HHLA2: variants seen among roughly 807,000 people sequenced by gnomAD.
HHLA2 encodes HHLA2 member of B7 family.
In HHLA2, 48 loss-of-function variants were observed where a neutral mutation model predicts 45.9. That is an observed-to-expected ratio of 1.05 (90% confidence interval 0.83 to 1.33). HHLA2 has a LOEUF of 1.33. Ranked by LOEUF, HHLA2 falls within the 40% of genes most tolerant of loss-of-function variation. The pLI, the probability that HHLA2 is intolerant of heterozygous loss-of-function variation, is 0.00. For missense variants in HHLA2, 462 were observed against 494.3 expected, an observed-to-expected ratio of 0.93 and a Z score of 0.62; for synonymous variants, 161 against 173.9, an observed-to-expected ratio of 0.93 and a Z score of 0.59.
intron 2 of HHLA2, among the ~76,000 whole-genome samples, chr3:108,321,226 AC>A (rs1395769241): frequency 1.3e-5 from 2 of 151,556 alleles, no homozygotes; most frequent in African/African-American, 4.9e-5. Context: ...ATGTCTGTTC[AC>A]CATCCTCCTA....
At chr3:108,370,849 G>C (rs1159403822) in intron 8 of HHLA2, among the ~76,000 whole-genome samples, 1 of 152,208 alleles carries the variant, frequency 6.6e-6, no homozygotes, top group Non-Finnish European at 1.5e-5. Context: ...ATCTACGTCT[G>C]ATTGGTGTAC....
chr3:108,377,311 T>C (rs2082292425), exon 11 of HHLA2: 2 of 1,544,600 alleles, frequency 1.3e-6, no homozygotes, highest in African/African-American at 2.7e-5. Context: ...ACTCATGACC[T>C]GCATCCTTAA....
intron 2 of HHLA2, among the ~76,000 whole-genome samples, chr3:108,312,772 T>C (rs1234831260): frequency 6.6e-6 from 1 of 152,196 alleles, no homozygotes; most frequent in Non-Finnish European, 1.5e-5. Flanking sequence ...TCCTGAAAGC[T>C]CACCCTCAGT....
intron 1 of HHLA2, among the ~76,000 whole-genome samples, chr3:108,309,031 A>AT (rs776601484): frequency 6.6e-6 from 1 of 151,872 alleles, no homozygotes; most frequent in Non-Finnish European, 1.5e-5. Flanking sequence ...CCATTTGTCC[A>AT]TTTTTGCTTT....
chr3:108,344,742 T>C (rs1576147369), intron 3 of HHLA2, among the ~76,000 whole-genome samples: 1 of 152,314 alleles, frequency 6.6e-6, no homozygotes, highest in South Asian at 2.1e-4. Context: ...TTCGACAAAA[T>C]GCCTGCTGTC....
rs113163306 is a variant in HHLA2, at chr3:108,363,847, C to G, written c.1108+1401C>G. On this transcript the variant is annotated intron_variant, in intron 8 of 10. Coordinates refer to ENST00000619531, the Ensembl canonical transcript of HHLA2. ...TAAAGAACTTATGAGACAGTATATT[C>G]ATGGCTGGGAGCACCCGAATCACTA... 1.7e-3 allele frequency among the ~76,000 whole-genome samples: 266 copies of G among 152,304 alleles called. 1 individual carries two copies. The highest frequency in any genetic ancestry group is 5.9e-3 in the African/African-American group (244 of 41,570).
chr3:108,351,241 A>G (rs1368580651), intron 3 of HHLA2, among the ~76,000 whole-genome samples: 1 of 152,194 alleles, frequency 6.6e-6, no homozygotes, highest in Non-Finnish European at 1.5e-5. Flanking sequence ...TGGATATGTA[A>G]AAATATATTT....
At chr3:108,375,038 T>G (rs1356118127) in intron 8 of HHLA2, among the ~76,000 whole-genome samples, 4 of 149,958 alleles carry the variant, frequency 2.7e-5, no homozygotes, top group Admixed American at 6.7e-5. Flanking sequence ...CACGTATGTT[T>G]ATTGCGGCAC....
exon 10 of HHLA2, chr3:108,376,501 T>C: frequency 6.2e-7 from 1 of 1,604,036 alleles, no homozygotes; most frequent in Non-Finnish European, 8.5e-7. Context: ...AGAAAGATGT[T>C]GTGTCCCTCC....
chr3:108,365,375 T>G (rs896273731), intron 8 of HHLA2, among the ~76,000 whole-genome samples: 6 of 152,212 alleles, frequency 3.9e-5, no homozygotes, highest in African/African-American at 1.4e-4. Flanking sequence ...TTGGTACCAG[T>G]ACTATGCTGT....
chr3:108,351,726 C>CT, intron 3 of HHLA2, 62 bp from the exon 3 acceptor site: 1 of 1,010,496 alleles, frequency 9.9e-7, no homozygotes, highest in South Asian at 1.4e-5. Flanking sequence ...ATGTACCACT[C>CT]TTTTCCAATT....
chr3:108,299,056 T>C (rs1187226454), intron 1 of HHLA2, among the ~76,000 whole-genome samples: 1 of 152,232 alleles, frequency 6.6e-6, no homozygotes, highest in Non-Finnish European at 1.5e-5. Context: ...CTTCTGAAGG[T>C]GAAAACCTTT....
intron 7 of HHLA2, among the ~76,000 whole-genome samples, chr3:108,359,001 G>A (rs548520373): frequency 1.6e-4 from 25 of 152,272 alleles, no homozygotes; most frequent in African/African-American, 5.5e-4. Flanking sequence ...TCTGGACATT[G>A]AGTAATAACA....
At chr3:108,329,327 C>T (rs763518540) in intron 3 of HHLA2, among the ~76,000 whole-genome samples, 1 of 152,098 alleles carries the variant, frequency 6.6e-6, no homozygotes, top group Non-Finnish European at 1.5e-5. Flanking sequence ...AACGTCCTGA[C>T]TGAGTCGTGA....
In HHLA2 at chr3:108,307,645, AAAAG is replaced by A. The variant is rs1246398299; in HGVS notation, c.-191-3008_-191-3005del. Among the ~76,000 whole-genome samples, 6 of 152,252 alleles carry A rather than the reference AAAAG, an allele frequency of 3.9e-5. No homozygotes were observed. The East Asian group carries it at 1.2e-3, about 29-fold the overall frequency. On this transcript the variant is annotated intron_variant, in intron 1 of 10. Transcript: ENST00000619531. ...GTGAAACTCTGTCTCAAAAAAAAAAAAAAGAGTTCTTGTTAACTTTTGCCCAGCT... is the reference window on the plus strand; with the variant it reads ...GTGAAACTCTGTCTCAAAAAAAAAAAAGTTCTTGTTAACTTTTGCCCAGCT...
chr3:108,368,508 A>G (rs1326615486), intron 8 of HHLA2, among the ~76,000 whole-genome samples: 13 of 129,860 alleles, frequency 1.0e-4, no homozygotes, highest in African/African-American at 3.8e-4. Flanking sequence ...AAAGGGATGG[A>G]GGAATATTTA....
At chr3:108,375,985 G>C (rs563454609) in intron 9 of HHLA2, among the ~76,000 whole-genome samples, 185 bp downstream of exon 8, 2 of 152,268 alleles carry the variant, frequency 1.3e-5, no homozygotes, top group Non-Finnish European at 2.9e-5. Context: ...ACCTTTCCTA[G>C]CTCCAGCTCC....
At chr3:108,348,520 AT>A (rs2081710448) in intron 3 of HHLA2, among the ~76,000 whole-genome samples, 2 of 152,070 alleles carry the variant, frequency 1.3e-5, no homozygotes, top group Non-Finnish European at 2.9e-5. Context: ...TAAGGGGAGA[AT>A]TTTTTGTTTT....
intron 1 of HHLA2, among the ~76,000 whole-genome samples, chr3:108,303,935 C>A (rs1027136382): frequency 3.3e-5 from 5 of 152,092 alleles, no homozygotes; most frequent in Non-Finnish European, 5.9e-5. Flanking sequence ...TTTGCTTAGG[C>A]TGAGTTATTG....
Sources: allele counts gnomAD v4.1 joint callset (sites outside exome capture counted in the v4.1 genomes callset), GRCh38; gene constraint gnomAD v4.1.1; transcripts MANE v1.5; gene names NCBI Gene and HGNC (gene_info 2026-07-23, HGNC 2026-07-21).